The following CAMKMT variants were observed in gnomAD, a reference collection of about 807,000 sequenced individuals.
CAMKMT encodes CaM KMT.
CAMKMT carries 53 observed loss-of-function variants against 48.0 expected under a neutral mutation model. The ratio of observed to expected loss-of-function variants is 1.10; its 90% CI spans 0.89 to 1.39. CAMKMT has a LOEUF of 1.39. Among genes scored for constraint, CAMKMT ranks in the 40% most tolerant of loss-of-function variants. CAMKMT has a pLI of 0.00. For missense variants in CAMKMT, 428 were observed against 402.7 expected (o/e 1.06, Z -0.54); for synonymous variants, 165 against 152.3 (o/e 1.08, Z -0.61).
intron 3 of CAMKMT, among the ~76,000 whole-genome samples, chr2:44,454,639 G>T (rs1197739408): frequency 1.3e-5 from 2 of 151,992 alleles, no homozygotes; most frequent in Non-Finnish European, 2.9e-5. Flanking sequence ...ATAGTCAGTA[G>T]ATTTTTTTTC....
chr2:44,661,785 A>G (rs1188140027), intron 3 of CAMKMT, among the ~76,000 whole-genome samples: 1 of 152,196 alleles, frequency 6.6e-6, no homozygotes, highest in Non-Finnish European at 1.5e-5. Context: ...GAAGTGGCAG[A>G]GGTATTAAGT....
Position 44,766,537 on chromosome 2 carries a change from A to C in CAMKMT, c.870A>C (p.Glu290Asp), listed in dbSNP as rs1558843365. 6.2e-7 allele frequency: 1 copy of C among 1,614,062 alleles called. No individual in the cohort carries two copies. The highest frequency in any genetic ancestry group is 8.5e-7 in the Non-Finnish European group (1 of 1,179,994). The change falls in exon 10 of 11, where the codon GAA (glutamate) becomes GAC (aspartate). Residue 290 changes from glutamate to aspartate, a missense_variant. Glu to Asp is a conservative substitution (Grantham distance 45). Transcript: ENST00000378494. ...FCIQRHENYD[E>D]HISNFHSKLK... ...TCCAAAGACATGAAAATTATGATGA[A>C]CACATTTCAAACTTCCACTCCAAGG... is the stretch of plus-strand genomic sequence containing the variant.
At chr2:44,497,709 AAGAG>A (rs70937918) in intron 3 of CAMKMT, among the ~76,000 whole-genome samples, 3,922 of 138,698 alleles carry the variant, frequency 0.028, 65 homozygotes, top group Non-Finnish European at 0.038. Context: ...TAAGCAGGCA[AAGAG>A]AGAGAGAGAG....
In CAMKMT at chr2:44,748,643, C is replaced by T. The variant is rs532674774; in HGVS notation, c.698+4947C>T. 5.3e-5 allele frequency among the ~76,000 whole-genome samples: 8 copies of T among 152,072 alleles called. No homozygotes were observed. In the East Asian group the frequency reaches 1.2e-3, roughly 22 times the overall value. On this transcript the variant is annotated intron_variant, in intron 8 of 10. Transcript: ENST00000378494. ...GTCCCAGCACTTTGGGAGGCCGAGG[C>T]GGGCAGATCATGAGGTCAGGAGATC... is the stretch of plus-strand genomic sequence containing the variant.
rs762762397 is a variant in CAMKMT, at chr2:44,766,425, T to C, written c.763-5T>C. 1 of 1,614,032 alleles carries C rather than the reference T, an allele frequency of 6.2e-7. No homozygotes were observed. The highest frequency in any genetic ancestry group is 8.5e-7 in the Non-Finnish European group (1 of 1,179,980). On this transcript the variant is annotated splice_region_variant and splice_polypyrimidine_tract_variant and intron_variant, in intron 9 of 10. Coordinates refer to ENST00000378494, the MANE Select transcript of CAMKMT (RefSeq NM_024766.5). ...AATATGTGAATTTCCTTTTTACTGT[T>C]CTAGGGGAAAGCGATGGTATTTGCC...
chr2:44,365,502 C>T lies in CAMKMT; in HGVS notation c.138+3357C>T, dbSNP rs1237961640. ...TTCTGTTTTCCTCTTTGTTGAGTCT[C>T]ATTACATGTTGACGAAGATGGCCAC... On this transcript the variant is annotated intron_variant, in intron 1 of 10. Coordinates refer to ENST00000378494, the MANE Select transcript of CAMKMT (RefSeq NM_024766.5). 6.6e-5 allele frequency among the ~76,000 whole-genome samples: 10 copies of T among 152,166 alleles called. 1 individual carries two copies. Among genetic ancestry groups the T allele is most frequent in the Admixed American group, 6.5e-4 (10 of 15,282 alleles).
At chr2:44,656,987 C>A (rs1674417127) in intron 3 of CAMKMT, among the ~76,000 whole-genome samples, 2 of 152,104 alleles carry the variant, frequency 1.3e-5, no homozygotes, top group South Asian at 4.1e-4. Flanking sequence ...CAGAAAGAAC[C>A]ACAAAACTAA....
intron 9 of CAMKMT, among the ~76,000 whole-genome samples, chr2:44,758,853 A>ACTAATATTTGTCTACAAATG (rs1680492121): frequency 6.6e-6 from 1 of 152,244 alleles, no homozygotes; most frequent in African/African-American, 2.4e-5. Flanking sequence ...AACAAATGGT[A>ACTAATATTTGTCTACAAATG]TCTACTAATA....
intron 3 of CAMKMT, among the ~76,000 whole-genome samples, chr2:44,649,829 C>T (rs1673957981): frequency 6.6e-6 from 1 of 152,172 alleles, no homozygotes; most frequent in African/African-American, 2.4e-5. Context: ...TAGCCAAGGC[C>T]TTCTCCCTGT....
At chr2:44,753,921 T>G in intron 8 of CAMKMT, 134 bp from the exon 9 acceptor site, 1 of 668,572 alleles carries the variant, frequency 1.5e-6, no homozygotes, top group East Asian at 2.7e-5. Flanking sequence ...AGTGAGACAC[T>G]TGAATGGTAG....
intron 10 of CAMKMT, among the ~76,000 whole-genome samples, chr2:44,768,342 G>GATATATATATATATATAT (rs35422115): frequency 1.8e-4 from 20 of 111,444 alleles, no homozygotes; most frequent in African/African-American, 4.4e-4. Flanking sequence ...GGGCGCCCAT[G>GATATATATATATATATAT]ATATATATAT....
At chr2:44,673,521 GGAGGGAA>G (rs1410142300) in intron 3 of CAMKMT, among the ~76,000 whole-genome samples, 3 of 73,318 alleles carry the variant, frequency 4.1e-5, no homozygotes, top group African/African-American at 1.2e-4. Flanking sequence ...AAGGAAGGAA[GGAGGGAA>G]GGAAGAAATC....
intron 2 of CAMKMT, among the ~76,000 whole-genome samples, chr2:44,375,080 A>G (rs1305404746): frequency 1.3e-5 from 2 of 152,148 alleles, no homozygotes; most frequent in Non-Finnish European, 2.9e-5. Flanking sequence ...GCAGTGAGCC[A>G]TAATCATGCC....
intron 3 of CAMKMT, among the ~76,000 whole-genome samples, chr2:44,574,332 G>T (rs1669087423): frequency 6.6e-6 from 1 of 152,148 alleles, no homozygotes; most frequent in South Asian, 2.1e-4. Flanking sequence ...TAGGATTGGA[G>T]AGTTTGAGTA....
intron 3 of CAMKMT, among the ~76,000 whole-genome samples, chr2:44,635,576 G>T (rs1673082222): frequency 6.6e-6 from 1 of 152,176 alleles, no homozygotes; most frequent in African/African-American, 2.4e-5. Flanking sequence ...AAACTAGCAG[G>T]AAATGGGAAG....
At chr2:44,461,114 C>T (rs975216380) in intron 3 of CAMKMT, among the ~76,000 whole-genome samples, 2 of 152,108 alleles carry the variant, frequency 1.3e-5, no homozygotes, top group Non-Finnish European at 2.9e-5. Flanking sequence ...ATTAAATATG[C>T]TGTTTTCAAT....
At chr2:44,725,376 A>G (rs1238695634) in intron 7 of CAMKMT, among the ~76,000 whole-genome samples, 1 of 152,130 alleles carries the variant, frequency 6.6e-6, no homozygotes, top group Admixed American at 6.6e-5. Context: ...AGGTACTATG[A>G]TGGGCTTTTT....
intron 7 of CAMKMT, among the ~76,000 whole-genome samples, chr2:44,724,276 C>A (rs1678654492): frequency 6.6e-6 from 1 of 152,100 alleles, no homozygotes; most frequent in Non-Finnish European, 1.5e-5. Context: ...GGCAAGATCC[C>A]CTCTCTTAAA....
At chr2:44,650,126 T>G (rs573994546) in intron 3 of CAMKMT, among the ~76,000 whole-genome samples, 1 of 152,328 alleles carries the variant, frequency 6.6e-6, no homozygotes, top group East Asian at 1.9e-4. Context: ...TCTTTCACAG[T>G]TCTGGAGGCT....
Sources: gnomAD v4.1 joint callset for allele counts (sites outside exome capture counted in the v4.1 genomes callset) on GRCh38, gnomAD v4.1.1 for gene constraint, MANE v1.5 for transcripts, NCBI Gene and HGNC (gene_info 2026-07-23, HGNC 2026-07-21) for gene names.